Variants in ACVR2B observed in about 807,000 individuals in gnomAD.
ACVR2B encodes the protein activin A receptor type 2B.
In ACVR2B, 18 loss-of-function variants were observed where a neutral mutation model predicts 65.1. The ratio of observed to expected loss-of-function variants is 0.28; its 90% CI spans 0.19 to 0.41. The LOEUF (loss-of-function observed/expected upper bound fraction) is 0.41, where lower values mean the gene tolerates loss of function less well. Ranked by LOEUF, ACVR2B falls within the 10% of genes least tolerant of loss-of-function variation. The pLI, the probability that ACVR2B is intolerant of heterozygous loss-of-function variation, is 1.00. For missense variants in ACVR2B, 482 were observed against 682.7 expected (o/e 0.71, Z 3.28); for synonymous variants, 298 against 277.7 (o/e 1.07, Z -0.73).
chr3:38,477,556 C>T lies in ACVR2B; in HGVS notation c.260+62C>T. 6.4e-7 allele frequency: 1 copy of T among 1,556,476 alleles called. No homozygotes were observed. The highest frequency in any genetic ancestry group is 8.8e-7 in the Non-Finnish European group (1 of 1,141,620). ...ACCTGCGCTTATACTGCCCACTGGGCCATTTGGGTCTCAGGATGTCTGAGT... is the reference window on the plus strand; with the variant it reads ...ACCTGCGCTTATACTGCCCACTGGGTCATTTGGGTCTCAGGATGTCTGAGT... On this transcript the variant is annotated intron_variant, in intron 2 of 10. Coordinates refer to ENST00000352511, the MANE Select transcript of ACVR2B (RefSeq NM_001106.4). The surrounding 1 kb of genome is among the most constrained non-coding windows in gnomAD (Gnocchi z 6.7).
intron 1 of ACVR2B, 85 bp downstream of exon 1, chr3:38,454,459 G>A (rs1436112311): frequency 1.6e-5 from 18 of 1,135,296 alleles, no homozygotes; most frequent in Non-Finnish European, 7.7e-6. Flanking sequence ...AACAAAGGGC[G>A]GGCCCGGGGC....
intron 1 of ACVR2B, among the ~76,000 whole-genome samples, chr3:38,463,769 G>A (rs1361164311): frequency 6.6e-6 from 1 of 152,140 alleles, no homozygotes; most frequent in Non-Finnish European, 1.5e-5. Flanking sequence ...GTCTGCTCAG[G>A]TTGCCATAAT....
At chr3:38,479,612 A>T in intron 6 of ACVR2B, 66 bp from the exon 7 acceptor site, 2 of 1,586,680 alleles carry the variant, frequency 1.3e-6, no homozygotes, top group Non-Finnish European at 1.7e-6. Flanking sequence ...CTTCTCTGCC[A>T]GGGCTGGGCT....
At chr3:38,466,556 T>A (rs914027232) in intron 1 of ACVR2B, among the ~76,000 whole-genome samples, 1 of 149,980 alleles carries the variant, frequency 6.7e-6, no homozygotes, top group Admixed American at 6.7e-5. Context: ...CAGGCTGGAG[T>A]GCAGTGGGGC....
At chr3:38,467,572 G>C (rs1709752673) in intron 1 of ACVR2B, among the ~76,000 whole-genome samples, 1 of 142,256 alleles carries the variant, frequency 7.0e-6, no homozygotes, top group Non-Finnish European at 1.6e-5. Context: ...GCAACGTAGT[G>C]AGACCCCATC....
chr3:38,478,059 G>A (rs1709943773), intron 3 of ACVR2B, 82 bp from the exon 4 acceptor site: 1 of 1,591,206 alleles, frequency 6.3e-7, no homozygotes, highest in African/African-American at 1.3e-5. Context: ...TGGGTGGGGT[G>A]TGGCTACAGG....
At position 38,481,279 on chromosome 3, in the gene ACVR2B, T is replaced by C. The variant is rs77120320; in HGVS notation, c.960-72T>C. 5.9e-3 allele frequency: 7,663 copies of C among 1,301,816 alleles called. 318 individuals are homozygous for C. The African/African-American group carries it at 0.09, about 15-fold the overall frequency. 80.6% of individuals were successfully genotyped at this position (1,301,816 alleles called of 1,614,324 possible). ...GGGCCTGACTCTAGGGCACAGACTC[T>C]AGTATCTTGGGAACCAAGGTGGGAG... On this transcript the variant is annotated intron_variant, in intron 7 of 10. Coordinates refer to ENST00000352511, the MANE Select transcript of ACVR2B (RefSeq NM_001106.4). This position sits in a 1 kb window ranked among gnomAD's most constrained non-coding sequence, Gnocchi z 4.7.
At chr3:38,458,238 T>G (rs1309568747) in intron 1 of ACVR2B, among the ~76,000 whole-genome samples, 2 of 152,178 alleles carry the variant, frequency 1.3e-5, no homozygotes, top group Non-Finnish European at 2.9e-5. Flanking sequence ...ACTCCTGTTA[T>G]AAGGAGCCAA....
intron 1 of ACVR2B, among the ~76,000 whole-genome samples, chr3:38,463,693 T>C (rs923257907): frequency 1.3e-5 from 2 of 152,230 alleles, no homozygotes; most frequent in Non-Finnish European, 2.9e-5. Flanking sequence ...GAACTGTTTC[T>C]AGTACAAATG....
intron 1 of ACVR2B, chr3:38,474,941 G>C (rs1020413479): frequency 1.3e-5 from 2 of 152,374 alleles, no homozygotes; most frequent in Non-Finnish European, 2.9e-5. Flanking sequence ...TGTGGCTGCA[G>C]TGAGGGGAGG....
At position 38,477,153 on chromosome 3, in the gene ACVR2B, G is replaced by A. The variant is rs1164557995; in HGVS notation, c.53-134G>A. 2.3e-5 allele frequency: 21 copies of A among 917,750 alleles called. No homozygotes were observed. The East Asian group carries it at 5.3e-4, about 23-fold the overall frequency. The allele number at this position is 917,750 out of a possible 1,614,324, so 56.9% of individuals were successfully genotyped here. The stretch of plus-strand genomic sequence containing the variant: ...GGGTGGCCTACGTCCAGGGGTGAGT[G>A]CAGGAGGTTGGTGACCCCAACCCAC... On this transcript the variant is annotated intron_variant, in intron 1 of 10. Transcript: ENST00000352511. The surrounding 1 kb of genome is among the most constrained non-coding windows in gnomAD (Gnocchi z 6.7).
intron 1 of ACVR2B, among the ~76,000 whole-genome samples, chr3:38,458,277 C>T (rs962643408): frequency 4.6e-5 from 7 of 152,168 alleles, no homozygotes; most frequent in African/African-American, 1.7e-4. Context: ...TACAGTGGTC[C>T]TCCATGTCAT....
In ACVR2B at chr3:38,470,768, G is replaced by A. The variant is rs185140642; in HGVS notation, c.53-6519G>A. Among the ~76,000 whole-genome samples, 3 of 152,314 alleles carry A rather than the reference G, an allele frequency of 2.0e-5. No homozygotes were observed. In the East Asian group the frequency reaches 5.8e-4, roughly 29 times the overall value. On this transcript the variant is annotated intron_variant, in intron 1 of 10. Transcript: ENST00000352511. Reference sequence around the variant, plus strand: ...AGTTCCAATGAGGGATGGTAGAGATGTTGATTTAGGCTTTTAGTATAAGTG... The same window carrying A: ...AGTTCCAATGAGGGATGGTAGAGATATTGATTTAGGCTTTTAGTATAAGTG...
At chr3:38,479,533 C>A (rs1709979570) in intron 6 of ACVR2B, 145 bp from the exon 7 acceptor site, 3 of 1,091,546 alleles carry the variant, frequency 2.7e-6, no homozygotes, top group African/African-American at 1.5e-5. Context: ...TGCCTCCTGG[C>A]CTCATCCATC....
chr3:38,471,764 T>C (rs571168168), intron 1 of ACVR2B, among the ~76,000 whole-genome samples: 47 of 152,224 alleles, frequency 3.1e-4, no homozygotes, highest in Non-Finnish European at 5.7e-4. Flanking sequence ...TTAATCTCTT[T>C]GTGCCTCAGT....
At chr3:38,465,542 A>G (rs892349253) in intron 1 of ACVR2B, among the ~76,000 whole-genome samples, 5 of 152,218 alleles carry the variant, frequency 3.3e-5, no homozygotes, top group Admixed American at 3.3e-4. Context: ...TAATAAATCA[A>G]TGAATGCTTT....
intron 1 of ACVR2B, among the ~76,000 whole-genome samples, chr3:38,456,973 G>A (rs1289234505): frequency 1.3e-5 from 2 of 152,164 alleles, no homozygotes; most frequent in African/African-American, 4.8e-5. Context: ...TTGGGAGGCT[G>A]AGGTGGGAGG....
intron 1 of ACVR2B, among the ~76,000 whole-genome samples, chr3:38,458,314 C>CT (rs1397040513): frequency 6.6e-5 from 10 of 152,204 alleles, no homozygotes. Context: ...CTGATGAAAG[C>CT]TGTGGACCCT....
chr3:38,487,406 C>T lies in ACVR2B; in HGVS notation c.*4074C>T, dbSNP rs1314692323. On this transcript the variant is annotated 3_prime_UTR_variant, in exon 11 of 11. Coordinates refer to ENST00000352511, the MANE Select transcript of ACVR2B (RefSeq NM_001106.4). ...AACCCTCTTGACATAACTTAGACAGCAAAGCACTTCATCCTGTAGTTGGGC... is the reference window on the plus strand; with the variant it reads ...AACCCTCTTGACATAACTTAGACAGTAAAGCACTTCATCCTGTAGTTGGGC... The T allele has an allele frequency of 6.6e-6, 1 of 152,286 alleles. No individual in the cohort carries two copies. Among genetic ancestry groups the T allele is most frequent in the Non-Finnish European group, 1.5e-5 (1 of 68,092 alleles). The allele number at this position is 152,286 out of a possible 1,614,324, so 9.4% of individuals were successfully genotyped here.
Sources: allele counts gnomAD v4.1 joint callset (sites outside exome capture counted in the v4.1 genomes callset), GRCh38; gene constraint gnomAD v4.1.1; non-coding constraint Gnocchi (gnomAD v3.1); transcripts MANE v1.5; gene names NCBI Gene and HGNC (gene_info 2026-07-23, HGNC 2026-07-21).